MTMR2: variants seen among roughly 807,000 people sequenced by gnomAD.
MTMR2 encodes phosphatidylinositol-3,5-bisphosphate 3-phosphatase MTMR2.
Under a neutral mutation model 86.9 loss-of-function variants are expected in MTMR2, and 55 were observed. The ratio of observed to expected loss-of-function variants is 0.63; its 90% confidence interval spans 0.51 to 0.79. MTMR2 has a LOEUF of 0.79. MTMR2 is among the 30% of genes least tolerant of loss of function. MTMR2 has a pLI of 0.00. For synonymous variants in MTMR2, 241 were observed against 266.8 expected (o/e 0.90, Z 0.94); for missense variants, 659 against 772.3 (o/e 0.85, Z 1.74).
intron 1 of MTMR2, among the ~76,000 whole-genome samples, chr11:95,920,898 G>A (rs1438263676): frequency 1.3e-5 from 2 of 152,034 alleles, no homozygotes; most frequent in Non-Finnish European, 2.9e-5. Context: ...CATGGCACTC[G>A]GCCAAGTATG....
chr11:95,862,582 T>A (rs1323827487), intron 3 of MTMR2, among the ~76,000 whole-genome samples: 1 of 151,936 alleles, frequency 6.6e-6, no homozygotes, highest in Non-Finnish European at 1.5e-5. Flanking sequence ...GCTGAAAAGG[T>A]GGAGGGACTT....
chr11:95,906,945 T>A (rs1193551807), intron 1 of MTMR2, among the ~76,000 whole-genome samples: 2 of 151,844 alleles, frequency 1.3e-5, no homozygotes, highest in Non-Finnish European at 2.9e-5. Context: ...CAACCCAACA[T>A]CACACCCAGG....
At chr11:95,905,229 G>A (rs529115123) in intron 1 of MTMR2, among the ~76,000 whole-genome samples, 7 of 151,434 alleles carry the variant, frequency 4.6e-5, no homozygotes, top group South Asian at 2.1e-4. Context: ...TCTTCTCTAC[G>A]TACTCCTCCT....
At chr11:95,898,815 G>C (rs1461372583) in intron 1 of MTMR2, among the ~76,000 whole-genome samples, 1 of 152,124 alleles carries the variant, frequency 6.6e-6, no homozygotes, top group Non-Finnish European at 1.5e-5. Flanking sequence ...GGCATTTGAA[G>C]TTGGCCAGAA....
intron 1 of MTMR2, among the ~76,000 whole-genome samples, chr11:95,909,440 C>T (rs1591046766): frequency 6.6e-6 from 1 of 152,114 alleles, no homozygotes; most frequent in African/African-American, 2.4e-5. Flanking sequence ...ATAAGAATCC[C>T]TTTTAATGCT....
chr11:95,875,827 C>T, intron 2 of MTMR2, among the ~76,000 whole-genome samples: 1 of 152,152 alleles, frequency 6.6e-6, no homozygotes, highest in Admixed American at 6.5e-5. Flanking sequence ...CAGTCAGGAC[C>T]CTCAGCTGCA....
intron 2 of MTMR2, among the ~76,000 whole-genome samples, chr11:95,884,873 A>AT (rs1491365188): frequency 6.6e-6 from 1 of 152,168 alleles, no homozygotes; most frequent in African/African-American, 2.4e-5. Context: ...ACTGGGTAAC[A>AT]TGTAGCTTAA....
rs190345339 is a variant in MTMR2 at position 95,898,931 on chromosome 11, C to G, written c.81-10670G>C. ...GACATGTTAAAGCAACTGGAGAAGG[C>G]AGATCACTTTTATTGGCATACAGCG... On this transcript the variant is annotated intron_variant, in intron 1 of 14. Coordinates refer to ENST00000346299, the MANE Select transcript of MTMR2 (RefSeq NM_016156.6). 1.4e-3 allele frequency among the ~76,000 whole-genome samples: 210 copies of G among 152,188 alleles called. 2 individuals are homozygous for G. Among genetic ancestry groups the G allele is most frequent in the African/African-American group, 4.7e-3 (197 of 41,516 alleles).
chr11:95,851,880 A>C (rs1864034710), intron 7 of MTMR2, among the ~76,000 whole-genome samples: 1 of 152,250 alleles, frequency 6.6e-6, no homozygotes, highest in African/African-American at 2.4e-5. Context: ...TGCTTGAAAC[A>C]ATTTTTAAAA....
chr11:95,905,474 T>C lies in MTMR2; in HGVS notation c.81-17213A>G, dbSNP rs1866237334. Among the ~76,000 whole-genome samples, 3 of 152,122 alleles carry C rather than the reference T, an allele frequency of 2.0e-5. No homozygotes were observed. The South Asian group carries it at 6.2e-4, about 32-fold the overall frequency. On this transcript the variant is annotated intron_variant, in intron 1 of 14. Transcript: ENST00000346299. The stretch of plus-strand genomic sequence containing the variant: ...TAAAATGCAGAAAATGAAGTTACTG[T>C]TAAAATGCATAAGACATAAATTTAG...
rs115385795 is a variant in MTMR2 at position 95,903,453 on chromosome 11, C to T, written c.81-15192G>A. On this transcript the variant is annotated intron_variant, in intron 1 of 14. Coordinates refer to ENST00000346299, the MANE Select transcript of MTMR2 (RefSeq NM_016156.6). ...AGCCAACTTTCTGACTATTCCAGAC[C>T]ATACCCACACAGTTGAACGAGTTGA... Among the ~76,000 whole-genome samples, 559 of 152,206 alleles carry T rather than the reference C, an allele frequency of 3.7e-3. 4 individuals carry two copies. The highest frequency in any genetic ancestry group is 0.012 in the African/African-American group (512 of 41,518).
chr11:95,844,763 A>G (rs1233275277), intron 11 of MTMR2, among the ~76,000 whole-genome samples, 190 bp downstream of exon 11: 1 of 152,200 alleles, frequency 6.6e-6, no homozygotes, highest in African/African-American at 2.4e-5. Context: ...ACACTTGACA[A>G]ATAGCTAGCT....
intron 1 of MTMR2, among the ~76,000 whole-genome samples, chr11:95,916,654 T>TAA (rs11404022): frequency 5.5e-5 from 8 of 145,188 alleles, no homozygotes; most frequent in South Asian, 2.2e-4. Context: ...AAGTAGAACT[T>TAA]AAAAAAAAAA....
chr11:95,865,785 T>A, intron 2 of MTMR2, 109 bp from the exon 3 acceptor site: 1 of 830,606 alleles, frequency 1.2e-6, no homozygotes, highest in Non-Finnish European at 2.0e-6. Flanking sequence ...TCATATCACA[T>A]ACACTATTTT....
intron 11 of MTMR2, 67 bp downstream of exon 11, chr11:95,844,886 C>G: frequency 7.2e-7 from 1 of 1,388,026 alleles, no homozygotes. Context: ...TTTTAAAAAA[C>G]ACATTTTTTT....
chr11:95,871,774 A>G (rs1009847791), intron 2 of MTMR2, among the ~76,000 whole-genome samples: 24 of 152,174 alleles, frequency 1.6e-4, no homozygotes, highest in African/African-American at 5.8e-4. Flanking sequence ...TTTTGTTGCC[A>G]TTGCTTTTGC....
At chr11:95,868,273 TAAAAAAAAAAAAAAA>T (rs555618890) in intron 2 of MTMR2, among the ~76,000 whole-genome samples, 2 of 42,220 alleles carry the variant, frequency 4.7e-5, no homozygotes, top group African/African-American at 1.9e-4. Context: ...GACCCTGTGC[TAAAAAAAAAAAAAAA>T]AAAAAAAAAA....
At chr11:95,881,044 T>C (rs951470918) in intron 2 of MTMR2, among the ~76,000 whole-genome samples, 2 of 152,130 alleles carry the variant, frequency 1.3e-5, no homozygotes, top group African/African-American at 2.4e-5. Context: ...ATATATTTTC[T>C]TCTAAAATTT....
At chr11:95,847,648 TAAA>T in intron 10 of MTMR2, 63 bp downstream of exon 10, 1 of 1,417,960 alleles carries the variant, frequency 7.1e-7, no homozygotes, top group Non-Finnish European at 1.0e-6. Flanking sequence ...CAATTATAAG[TAAA>T]AAGCTAATAT....
Sources: allele counts gnomAD v4.1 joint callset (sites outside exome capture counted in the v4.1 genomes callset), GRCh38; gene constraint gnomAD v4.1.1; transcripts MANE v1.5; gene names NCBI Gene and HGNC (gene_info 2026-07-23, HGNC 2026-07-21).